STXBP5L: variants seen among roughly 807,000 people sequenced by gnomAD.
STXBP5L encodes the protein syntaxin binding protein 5L.
STXBP5L carries 65 observed loss-of-function variants against 144.5 expected under a neutral mutation model. The ratio of observed to expected loss-of-function variants is 0.45; its 90% confidence interval spans 0.37 to 0.55. The LOEUF (loss-of-function observed/expected upper bound fraction) is 0.55, where lower values mean the gene tolerates loss of function less well. STXBP5L is among the 20% of genes least tolerant of loss of function. The probability of loss-of-function intolerance (pLI) is 0.00; values close to 1 mark genes in which losing one functional copy is unlikely to be tolerated. For missense variants in STXBP5L, 1,298 were observed against 1,405.5 expected, an observed-to-expected ratio of 0.92 and a Z score of 1.22; for synonymous variants, 505 against 469.6, an observed-to-expected ratio of 1.08 and a Z score of -0.97.
chr3:121,185,113 T>A (rs1018132517), intron 9 of STXBP5L, among the ~76,000 whole-genome samples: 2 of 152,164 alleles, frequency 1.3e-5, no homozygotes, highest in African/African-American at 4.8e-5. Flanking sequence ...ACATACCAGA[T>A]TTTAAAGACC....
intron 20 of STXBP5L, among the ~76,000 whole-genome samples, chr3:121,333,992 T>C (rs567199717): frequency 6.6e-6 from 1 of 152,168 alleles, no homozygotes; most frequent in South Asian, 2.1e-4. Flanking sequence ...AATTGAATCA[T>C]GGCAGCAGTA....
At chr3:121,083,939 T>A (rs915835604) in intron 5 of STXBP5L, among the ~76,000 whole-genome samples, 1 of 152,140 alleles carries the variant, frequency 6.6e-6, no homozygotes, top group Non-Finnish European at 1.5e-5. Context: ...ACTCATTGTT[T>A]CATTCCTGAT....
chr3:121,383,059 A>G (rs2046353800), intron 22 of STXBP5L, among the ~76,000 whole-genome samples: 1 of 152,056 alleles, frequency 6.6e-6, no homozygotes, highest in South Asian at 2.1e-4. Flanking sequence ...AGGGAGGAAG[A>G]CTACTTGAGG....
intron 5 of STXBP5L, among the ~76,000 whole-genome samples, chr3:121,089,414 T>G (rs907156755): frequency 1.4e-4 from 22 of 152,092 alleles, no homozygotes; most frequent in African/African-American, 5.3e-4. Context: ...TTTATACACC[T>G]GAATAGCATT....
rs1577388608 is a variant in STXBP5L, at chr3:121,296,797, A to G, written c.2110+16841A>G. ...ATTTGAAAGAATTTGAAACAACCCTAAATAGAAAAATAAATCATTCAAGTT... is the reference window on the plus strand; with the variant it reads ...ATTTGAAAGAATTTGAAACAACCCTGAATAGAAAAATAAATCATTCAAGTT... On this transcript the variant is annotated intron_variant, in intron 19 of 26. Coordinates refer to ENST00000471454, the MANE Select transcript of STXBP5L (RefSeq NM_001308330.2). 2.0e-5 allele frequency among the ~76,000 whole-genome samples: 3 copies of G among 152,306 alleles called. No individual in the cohort carries two copies. In the South Asian group the frequency reaches 6.2e-4, roughly 32 times the overall value.
intron 3 of STXBP5L, among the ~76,000 whole-genome samples, chr3:120,956,178 TG>T (rs1938015522): frequency 6.6e-6 from 1 of 151,946 alleles, no homozygotes; most frequent in African/African-American, 2.4e-5. Context: ...AAGGGTCATG[TG>T]GTAATTAGAT....
chr3:121,358,706 T>C (rs1258709845), intron 20 of STXBP5L, among the ~76,000 whole-genome samples: 1 of 152,198 alleles, frequency 6.6e-6, no homozygotes. Flanking sequence ...GTTTAATTGA[T>C]TTTATTTTTA....
intron 19 of STXBP5L, among the ~76,000 whole-genome samples, chr3:121,280,373 CT>C (rs2051017748): frequency 6.6e-6 from 1 of 151,962 alleles, no homozygotes; most frequent in South Asian, 2.1e-4. Flanking sequence ...TCATTTACTA[CT>C]TTTAATTTTT....
chr3:121,108,583 T>C (rs1454420536), intron 5 of STXBP5L, among the ~76,000 whole-genome samples: 1 of 152,184 alleles, frequency 6.6e-6, no homozygotes, highest in Non-Finnish European at 1.5e-5. Flanking sequence ...TCGTGGTAGA[T>C]AAACTTTTTG....
chr3:121,019,839 AT>A (rs1945416447), intron 3 of STXBP5L, among the ~76,000 whole-genome samples: 1 of 152,140 alleles, frequency 6.6e-6, no homozygotes, highest in African/African-American at 2.4e-5. Context: ...TGGAAACACA[AT>A]TCCGGTAATA....
chr3:121,201,018 G>A (rs2108212284), intron 9 of STXBP5L, among the ~76,000 whole-genome samples: 1 of 152,328 alleles, frequency 6.6e-6, no homozygotes, highest in Admixed American at 6.5e-5. Context: ...CCAGGGCCAA[G>A]TTCAAGTCCT....
intron 20 of STXBP5L, among the ~76,000 whole-genome samples, chr3:121,376,836 G>C (rs1246407362): frequency 2.6e-5 from 4 of 152,068 alleles, no homozygotes; most frequent in Non-Finnish European, 1.5e-5. Flanking sequence ...CCATTTTCAC[G>C]ATATTGATTC....
chr3:121,301,565 A>G (rs991968255), intron 19 of STXBP5L, among the ~76,000 whole-genome samples: 2 of 152,168 alleles, frequency 1.3e-5, no homozygotes, highest in African/African-American at 2.4e-5. Flanking sequence ...TGCCCTGGCC[A>G]GAACTTCCAA....
At chr3:121,142,517 T>G (rs1218933883) in intron 7 of STXBP5L, among the ~76,000 whole-genome samples, 1 of 151,976 alleles carries the variant, frequency 6.6e-6, no homozygotes, top group Non-Finnish European at 1.5e-5. Context: ...GAAACAAACC[T>G]TAATACATTT....
At chr3:121,091,566 A>G (rs1426994283) in intron 5 of STXBP5L, among the ~76,000 whole-genome samples, 4 of 152,174 alleles carry the variant, frequency 2.6e-5, no homozygotes, top group African/African-American at 4.8e-5. Context: ...TTTTGGCTGC[A>G]TAAATGTCTT....
At chr3:121,316,190 T>G (rs2043782322) in intron 19 of STXBP5L, among the ~76,000 whole-genome samples, 1 of 152,168 alleles carries the variant, frequency 6.6e-6, no homozygotes, top group South Asian at 2.1e-4. Flanking sequence ...ATGATAATTA[T>G]AAAATTGTTT....
chr3:121,222,585 T>C (rs189340248), intron 10 of STXBP5L, among the ~76,000 whole-genome samples: 1 of 150,286 alleles, frequency 6.7e-6, no homozygotes, highest in Admixed American at 6.8e-5. Context: ...AATTTGTCTC[T>C]TTTCTCTTGT....
At chr3:121,363,377 C>G (rs916679543) in intron 20 of STXBP5L, among the ~76,000 whole-genome samples, 12 of 152,318 alleles carry the variant, frequency 7.9e-5, no homozygotes, top group Non-Finnish European at 1.6e-4. Context: ...TATTTGGAGA[C>G]ACAGAGAGCT....
Position 121,351,258 on chromosome 3 carries a change from A to G in STXBP5L, c.2177-27458A>G, listed in dbSNP as rs112732131. 2.5e-3 allele frequency among the ~76,000 whole-genome samples: 383 copies of G among 152,238 alleles called. 4 individuals carry two copies. Among genetic ancestry groups the G allele is most frequent in the African/African-American group, 8.6e-3 (359 of 41,520 alleles). ...CTGTTTGCCTGGGTATCAGCAACAG[A>G]GGCTGCAGAACAGCGGATATTGGTG... On this transcript the variant is annotated intron_variant, in intron 20 of 26. Transcript: ENST00000471454.
Sources: gnomAD v4.1 joint callset for allele counts (sites outside exome capture counted in the v4.1 genomes callset) on GRCh38, gnomAD v4.1.1 for gene constraint, MANE v1.5 for transcripts, NCBI Gene and HGNC (gene_info 2026-07-23, HGNC 2026-07-21) for gene names.